Variants in ADAM17 observed in about 807,000 individuals in gnomAD.
ADAM17 encodes the protein disintegrin and metalloproteinase domain-containing protein 17.
In ADAM17, 39 loss-of-function variants were observed where a neutral mutation model predicts 96.7. The ratio of observed to expected loss-of-function variants is 0.40; its 90% CI spans 0.31 to 0.53. ADAM17 has a LOEUF of 0.53. ADAM17 is among the 20% of genes least tolerant of loss of function. The probability of loss-of-function intolerance (pLI) is 0.44; values close to 1 mark genes in which losing one functional copy is unlikely to be tolerated. For missense variants in ADAM17, 777 were observed against 1,013.2 expected (o/e 0.77, Z 3.17); for synonymous variants, 344 against 359.2 (o/e 0.96, Z 0.48).
At position 9,520,954 on chromosome 2, in the gene ADAM17, A is replaced by G. The variant is rs184168352; in HGVS notation, c.957+249T>C. On this transcript the variant is annotated intron_variant, in intron 8 of 18. Transcript: ENST00000310823. ...CCTCCAGCCAGGGCAACAAGAGTGA[A>G]ACTCTGTCTCAAAAAAAAAAAAAAA... is the stretch of plus-strand genomic sequence containing the variant. Among the ~76,000 whole-genome samples the G allele has an allele frequency of 0.47, 51,726 of 108,906 alleles. 14,102 individuals carry two copies. The highest frequency in any genetic ancestry group is 0.7 in the Middle Eastern group (138 of 198). 71.4% of individuals were successfully genotyped at this position (108,906 alleles called of 152,430 possible).
intron 12 of ADAM17, among the ~76,000 whole-genome samples, chr2:9,504,786 C>A (rs889838268): frequency 1.3e-5 from 2 of 149,290 alleles, no homozygotes; most frequent in African/African-American, 4.9e-5. Context: ...AAAAAAGATT[C>A]TTTTAACTAT....
intron 6 of ADAM17, among the ~76,000 whole-genome samples, chr2:9,524,168 T>C (rs570433383): frequency 1.3e-5 from 2 of 152,234 alleles, no homozygotes; most frequent in African/African-American, 2.4e-5. Context: ...AGGCTTCTGG[T>C]CAACAGTAGA....
intron 10 of ADAM17, among the ~76,000 whole-genome samples, chr2:9,511,228 C>T (rs1663715913): frequency 6.6e-6 from 1 of 152,098 alleles, no homozygotes; most frequent in Non-Finnish European, 1.5e-5. Flanking sequence ...GTGGGTTGAT[C>T]GCCTGAGGTC....
chr2:9,508,192 G>C (rs907491645), intron 11 of ADAM17, among the ~76,000 whole-genome samples: 8 of 152,164 alleles, frequency 5.3e-5, no homozygotes, highest in African/African-American at 1.9e-4. Context: ...CAATATGGTA[G>C]CCACCAACCA....
rs1662108508 is a variant in ADAM17, at chr2:9,491,139, C to A, written c.2095G>T (p.Asp699Tyr). ...AGAGACAGAGATTCATACTGTTTAT[C>A]CAATTTCTTATCCTAGAAAGAAACA... Reference protein sequence around the residue: ...ILVHCVDKKLDKQYESLSLFH... With the variant: ...ILVHCVDKKLYKQYESLSLFH... The change falls in exon 18 of 19, where the codon GAT (aspartate) becomes TAT (tyrosine). Residue 699 changes from aspartate to tyrosine, a missense_variant. Transcript: ENST00000310823. 1 of 1,612,890 alleles carries A rather than the reference C, an allele frequency of 6.2e-7. No homozygotes were observed. The highest frequency in any genetic ancestry group is 8.5e-7 in the Non-Finnish European group (1 of 1,179,092).
chr2:9,546,973 C>T (rs1406586602), intron 1 of ADAM17, among the ~76,000 whole-genome samples: 1 of 152,178 alleles, frequency 6.6e-6, no homozygotes, highest in Admixed American at 6.6e-5. Flanking sequence ...TCCCAAAGTG[C>T]TGGGATTACA....
At chr2:9,530,670 T>C (rs1034401862) in intron 4 of ADAM17, among the ~76,000 whole-genome samples, 4 of 152,186 alleles carry the variant, frequency 2.6e-5, no homozygotes, top group Non-Finnish European at 5.9e-5. Context: ...ATTTTGACTA[T>C]GGCATGATTA....
rs1022561988 is a variant in ADAM17, at chr2:9,549,330, A to G, written c.98-6045T>C. 3.3e-4 allele frequency among the ~76,000 whole-genome samples: 50 copies of G among 152,282 alleles called. 1 individual carries two copies. The highest frequency in any genetic ancestry group is 1.2e-3 in the African/African-American group (50 of 41,534). ...AGGTTGCAGTGAGTGAGCTGAGATC[A>G]CGCCACTGCACTCCAGCCTAGGTGA... is the stretch of plus-strand genomic sequence containing the variant. On this transcript the variant is annotated intron_variant, in intron 1 of 18. Coordinates refer to ENST00000310823, the MANE Select transcript of ADAM17 (RefSeq NM_003183.6).
In ADAM17 at chr2:9,505,276, A is replaced by G. The variant is rs1663318761; in HGVS notation, c.1434T>C (p.Cys478=). Residue 478 remains cysteine (C), a synonymous_variant, in exon 12 of 19, where the codon TGT becomes TGC. Transcript: ENST00000310823. ...CTCCTTCATCCACCCTCGAGTTCCC[A>G]CAAACTTTATTGCTGCGTTCTTGAA... The part of the protein sequence containing the change: ...ECFQERSNKV[C]GNSRVDEGEE... 1.9e-6 allele frequency: 3 copies of G among 1,614,148 alleles called. No homozygotes were observed. The East Asian group carries it at 6.7e-5, about 36-fold the overall frequency.
At chr2:9,522,585 A>G (rs755437080) in intron 7 of ADAM17, 8 of 428,752 alleles carry the variant, frequency 1.9e-5, no homozygotes, top group Non-Finnish European at 2.9e-5. Flanking sequence ...TCTATACTAT[A>G]TAACTTATAA....
At chr2:9,541,136 C>T (rs932235038) in intron 2 of ADAM17, among the ~76,000 whole-genome samples, 1 of 152,194 alleles carries the variant, frequency 6.6e-6, no homozygotes, top group Non-Finnish European at 1.5e-5. Context: ...CAATATCCAT[C>T]TGTAGTGTAT....
intron 1 of ADAM17, among the ~76,000 whole-genome samples, chr2:9,550,485 GC>G (rs1475552775): frequency 8.2e-6 from 1 of 122,646 alleles, no homozygotes; most frequent in Non-Finnish European, 1.6e-5. Flanking sequence ...TCACTCTGCT[GC>G]CCAGGCTGCA....
intron 1 of ADAM17, among the ~76,000 whole-genome samples, chr2:9,543,993 G>A (rs1486740695): frequency 6.6e-6 from 1 of 151,968 alleles, no homozygotes; most frequent in Non-Finnish European, 1.5e-5. Flanking sequence ...TTATACACAG[G>A]TATCAAAATA....
In ADAM17 at chr2:9,555,679, T is replaced by A. The variant is rs1665728908; in HGVS notation, c.-74A>T. On this transcript the variant is annotated 5_prime_UTR_variant, in exon 1 of 19. It removes an upstream start codon present in the reference 5' UTR. Transcript: ENST00000310823. The stretch of plus-strand genomic sequence containing the variant: ...ACGGGGTTTCGGAAAACTGCTCACA[T>A]CGGGGGAGGACGGGATCCGCCCGGC... 5.4e-6 allele frequency: 7 copies of A among 1,285,300 alleles called. No individual in the cohort carries two copies. Among genetic ancestry groups the A allele is most frequent in the Non-Finnish European group, 7.4e-6 (7 of 943,418 alleles). The allele number at this position is 1,285,300 out of a possible 1,614,324, so 79.6% of individuals were successfully genotyped here. A position where few individuals can be genotyped will look rare whatever the true frequency, so the allele number is the denominator to read the frequency against.
chr2:9,501,207 A>C (rs1662982107), intron 13 of ADAM17, among the ~76,000 whole-genome samples: 2 of 152,194 alleles, frequency 1.3e-5, no homozygotes, highest in East Asian at 1.9e-4. Flanking sequence ...ATATAAAGAG[A>C]TGCTCAAGAA....
chr2:9,519,595 G>GTA (rs749165770), intron 8 of ADAM17, among the ~76,000 whole-genome samples: 3 of 152,148 alleles, frequency 2.0e-5, no homozygotes, highest in Non-Finnish European at 4.4e-5. Context: ...ACCCTCAACA[G>GTA]TACCCCAGAA....
At chr2:9,519,320 T>A (rs991130959) in intron 8 of ADAM17, among the ~76,000 whole-genome samples, 1 of 152,140 alleles carries the variant, frequency 6.6e-6, no homozygotes, top group African/African-American at 2.4e-5. Context: ...TCTAAGAATA[T>A]TCTAGGAGGC....
At chr2:9,493,668 C>T (rs776875636) in intron 16 of ADAM17, 79 bp downstream of exon 16, 32 of 1,249,194 alleles carry the variant, frequency 2.6e-5, no homozygotes, top group Non-Finnish European at 3.6e-5. Flanking sequence ...TAAAGCACAT[C>T]ACTCTGAAAG....
chr2:9,535,777 A>C lies in ADAM17; in HGVS notation c.450+57T>G, dbSNP rs530251957. 76 of 1,146,518 alleles carry C rather than the reference A, an allele frequency of 6.6e-5. No individual in the cohort carries two copies. In the South Asian group the frequency reaches 8.6e-4, roughly 13 times the overall value. 71.0% of individuals were successfully genotyped at this position (1,146,518 alleles called of 1,614,324 possible). A position where few individuals can be genotyped will look rare whatever the true frequency, so the allele number is the denominator to read the frequency against. Reference sequence around the variant, plus strand: ...ACTTTTCACCTTTGCAGAACTGAGCAGCTTTTTGAAAATCAGAGATATAAG... The same window carrying C: ...ACTTTTCACCTTTGCAGAACTGAGCCGCTTTTTGAAAATCAGAGATATAAG... On this transcript the variant is annotated intron_variant, in intron 4 of 18. Transcript: ENST00000310823.
Sources: allele counts gnomAD v4.1 joint callset (sites outside exome capture counted in the v4.1 genomes callset), GRCh38; gene constraint gnomAD v4.1.1; transcripts MANE v1.5; gene names NCBI Gene and HGNC (gene_info 2026-07-23, HGNC 2026-07-21).